The following INVS variants were observed in gnomAD, a reference collection of about 807,000 sequenced individuals.
INVS encodes inversin.
In INVS, 86 loss-of-function variants were observed where a neutral mutation model predicts 108.8. The observed-to-expected ratio is 0.79, with a 90% CI of 0.66 to 0.95. The LOEUF (loss-of-function observed/expected upper bound fraction) is 0.95, where lower values mean the gene tolerates loss of function less well. INVS is among the 40% of genes least tolerant of loss of function. INVS has a pLI of 0.00. For synonymous variants in INVS, 455 were observed against 473.5 expected (o/e 0.96, Z 0.51); for missense variants, 1,169 against 1,297.4 (o/e 0.90, Z 1.52).
In INVS at chr9:100,300,705, A is replaced by AG; in HGVS notation, c.*32dup. On this transcript the variant is annotated 3_prime_UTR_variant, in exon 17 of 17. Coordinates refer to ENST00000262457, the MANE Select transcript of INVS (RefSeq NM_014425.5). Reference sequence around the variant, plus strand: ...TATGGAGGAAGACTGTGTTCGGGGGAGCTGGCATAGCTAGTGCAGAGTTCA... The same window carrying AG: ...TATGGAGGAAGACTGTGTTCGGGGGAGGCTGGCATAGCTAGTGCAGAGTTCA... 3 of 1,438,186 alleles carry AG rather than the reference A, an allele frequency of 2.1e-6. No individual in the cohort carries two copies. In the East Asian group the frequency reaches 6.8e-5, roughly 33 times the overall value. 89.1% of individuals were successfully genotyped at this position (1,438,186 alleles called of 1,614,324 possible).
chr9:100,189,243 G>C (rs1209200738), intron 3 of INVS, among the ~76,000 whole-genome samples: 1 of 149,428 alleles, frequency 6.7e-6, no homozygotes, highest in Non-Finnish European at 1.5e-5. Context: ...ATTTGATTCT[G>C]CTCTGATCTT....
rs145201179 is a variant in INVS, at chr9:100,279,524, A to G, written c.1785-4796A>G. Among the ~76,000 whole-genome samples, 6 of 152,352 alleles carry G rather than the reference A, an allele frequency of 3.9e-5. No homozygotes were observed. The East Asian group carries it at 5.8e-4, about 15-fold the overall frequency. On this transcript the variant is annotated intron_variant, in intron 12 of 16. Transcript: ENST00000262457. The stretch of plus-strand genomic sequence containing the variant: ...ATTATCAATTCTATAATATAATTCA[A>G]TAACGCTCTTCCTATTACCCTCAAA...
chr9:100,246,545 A>T, intron 7 of INVS, 71 bp from the exon 8 acceptor site: 3 of 1,079,236 alleles, frequency 2.8e-6, no homozygotes, highest in Non-Finnish European at 4.2e-6. Flanking sequence ...TTCACATATT[A>T]TTATATGACT....
At chr9:100,204,844 T>G (rs538665426) in intron 3 of INVS, among the ~76,000 whole-genome samples, 1 of 152,256 alleles carries the variant, frequency 6.6e-6, no homozygotes, top group East Asian at 1.9e-4. Context: ...TGGCATGATA[T>G]TTTTTGGTCA....
chr9:100,106,077 G>A (rs930813694), intron 2 of INVS, among the ~76,000 whole-genome samples: 8 of 151,968 alleles, frequency 5.3e-5, no homozygotes, highest in African/African-American at 1.9e-4. Context: ...ACTGAATCCT[G>A]TGACTGCCAG....
intron 2 of INVS, among the ~76,000 whole-genome samples, chr9:100,118,311 C>A (rs572238927): frequency 6.6e-6 from 1 of 151,774 alleles, no homozygotes; most frequent in East Asian, 1.9e-4. Flanking sequence ...CGGGTTCAAG[C>A]GATTCTCTTG....
At chr9:100,188,130 T>C (rs1330686536) in intron 3 of INVS, among the ~76,000 whole-genome samples, 1 of 152,186 alleles carries the variant, frequency 6.6e-6, no homozygotes, top group African/African-American at 2.4e-5. Flanking sequence ...CAAAGAGAGA[T>C]AGTTTGACCT....
At chr9:100,300,535 C>A (rs1564197080) in intron 16 of INVS, 33 bp from the exon 17 acceptor site, 14 of 1,374,238 alleles carry the variant, frequency 1.0e-5, no homozygotes, top group African/African-American at 1.4e-5. Flanking sequence ...AAATTAATAA[C>A]CTTAATATCT....
chr9:100,252,936 G>A lies in INVS; in HGVS notation c.1264G>A (p.Asp422Asn), dbSNP rs145243134. Reference sequence around the variant, plus strand: ...AGCAAGGGTAGATCTAGTTGACCAAGATGGACATTCTCTTCTACATTGGGC... The same window carrying A: ...AGCAAGGGTAGATCTAGTTGACCAAAATGGACATTCTCTTCTACATTGGGC... ...GGARVDLVDQ[D>N]GHSLLHWAAL... The change falls in exon 10 of 17, where the codon GAT becomes AAT. Residue 422 changes from aspartate (D) to asparagine (N), a missense_variant. Physicochemically the swap from Asp to Asn is conservative, Grantham distance 23 (BLOSUM62 1). This residue lies in a region of INVS where 271 missense variants were observed against 363.8 expected (regional missense o/e 0.74). Transcript: ENST00000262457. 6.2e-7 allele frequency: 1 copy of A among 1,613,670 alleles called. No homozygotes were observed. The highest frequency in any genetic ancestry group is 8.5e-7 in the Non-Finnish European group (1 of 1,179,786).
intron 10 of INVS, among the ~76,000 whole-genome samples, chr9:100,253,555 C>T (rs984228979): frequency 6.6e-6 from 1 of 151,962 alleles, no homozygotes; most frequent in Admixed American, 6.6e-5. Context: ...CTAATGCTAT[C>T]CCTCCCTGCT....
chr9:100,266,053 C>G (rs961982441), intron 11 of INVS, among the ~76,000 whole-genome samples: 2 of 152,118 alleles, frequency 1.3e-5, no homozygotes, highest in Non-Finnish European at 2.9e-5. Flanking sequence ...GCACTCCAGC[C>G]TCTGCAACAG....
intron 2 of INVS, 95 bp downstream of exon 2, chr9:100,104,722 A>AT (rs1588000408): frequency 2.5e-6 from 2 of 790,272 alleles, no homozygotes; most frequent in East Asian, 5.1e-5. Flanking sequence ...GTACTCATAC[A>AT]TTTTAATGGA....
At chr9:100,184,514 TTGTAGTATTTAACATATATAGGTTTG>T (rs1032751634) in intron 3 of INVS, among the ~76,000 whole-genome samples, 3 of 152,170 alleles carry the variant, frequency 2.0e-5, no homozygotes, top group African/African-American at 7.2e-5. Context: ...GAAAAGATCA[TTGTAGTATTTAACATATATAGGTTTG>T]TGTAGTATTT....
intron 7 of INVS, among the ~76,000 whole-genome samples, chr9:100,246,320 A>C (rs1832046356): frequency 6.6e-6 from 1 of 152,204 alleles, no homozygotes; most frequent in South Asian, 2.1e-4. Context: ...GATGACCTAT[A>C]AAGTTTCCAA....
intron 3 of INVS, among the ~76,000 whole-genome samples, chr9:100,213,307 T>C (rs1331028336): frequency 3.3e-5 from 5 of 152,172 alleles, no homozygotes. Flanking sequence ...CTATCCATTT[T>C]ATAACCCCTG....
intron 3 of INVS, among the ~76,000 whole-genome samples, chr9:100,177,820 C>T (rs893743697): frequency 6.6e-6 from 1 of 152,186 alleles, no homozygotes; most frequent in African/African-American, 2.4e-5. Context: ...GATTCCGGTG[C>T]CTCCTGACTG....
intron 2 of INVS, among the ~76,000 whole-genome samples, chr9:100,109,552 G>A (rs939232637): frequency 1.3e-5 from 2 of 152,192 alleles, no homozygotes; most frequent in East Asian, 1.9e-4. Context: ...ATTTGAGGTC[G>A]CTTGCAGTGG....
intron 3 of INVS, among the ~76,000 whole-genome samples, chr9:100,205,429 T>C (rs1830645399): frequency 6.6e-6 from 1 of 152,068 alleles, no homozygotes; most frequent in African/African-American, 2.4e-5. Context: ...ACTTTTTATG[T>C]CCATGCCACA....
chr9:100,131,511 A>G (rs1828055111), intron 3 of INVS, among the ~76,000 whole-genome samples: 1 of 152,192 alleles, frequency 6.6e-6, no homozygotes, highest in African/African-American at 2.4e-5. Flanking sequence ...ATTTAGAACC[A>G]TCAGTTTAAT....
Sources: gnomAD v4.1 joint callset for allele counts (sites outside exome capture counted in the v4.1 genomes callset) on GRCh38, gnomAD v4.1.1 for gene constraint, gnomAD v4.1.1 regional missense constraint, MANE v1.5 for transcripts, NCBI Gene and HGNC (gene_info 2026-07-23, HGNC 2026-07-21) for gene names.